Variants in TIMD4 observed in about 807,000 individuals in gnomAD.
The protein encoded by TIMD4 is T cell immunoglobulin and mucin domain containing 4.
In TIMD4, 31 loss-of-function variants were observed where a neutral mutation model predicts 41.2. The ratio of observed to expected loss-of-function variants is 0.75; its 90% CI spans 0.57 to 1.01. The LOEUF (loss-of-function observed/expected upper bound fraction) is 1.01. TIMD4 is among the 50% of genes least tolerant of loss of function. The pLI, the probability that TIMD4 is intolerant of heterozygous loss-of-function variation, is 0.00. For synonymous variants in TIMD4, 204 were observed against 177.1 expected (o/e 1.15, Z -1.21); for missense variants, 479 against 472.5 (o/e 1.01, Z -0.13).
At chr5:156,938,509 C>T (rs1269055791) in intron 5 of TIMD4, among the ~76,000 whole-genome samples, 2 of 152,172 alleles carry the variant, frequency 1.3e-5, no homozygotes, top group African/African-American at 4.8e-5. Flanking sequence ...CTTCCCCAGT[C>T]TTCTCCCACC....
chr5:156,946,484 T>A (rs183990005), intron 5 of TIMD4, among the ~76,000 whole-genome samples: 1 of 152,190 alleles, frequency 6.6e-6, no homozygotes, highest in Admixed American at 6.5e-5. Flanking sequence ...CTTTTTTTTG[T>A]TTGTTTGTTT....
rs150560129 is a variant in TIMD4 at position 156,919,499 on chromosome 5, C to G, written c.1095G>C (p.Val365=). 393 of 1,614,040 alleles carry G rather than the reference C, an allele frequency of 2.4e-4. No homozygotes were observed. In the East Asian group the frequency reaches 8.2e-3, roughly 34 times the overall value. The part of the protein sequence containing the change: ...IGDSKNVLND[V]QHGREDEDGL... ...CGTCTTCGTCTTCCCTTCCATGCTGCACGTCATTGAGGACATTTTTACTAT... is the reference window on the plus strand; with the variant it reads ...CGTCTTCGTCTTCCCTTCCATGCTGGACGTCATTGAGGACATTTTTACTAT... Residue 365 remains valine (V), a synonymous_variant, in exon 9 of 9, where the codon GTG becomes GTC. Transcript: ENST00000274532.
intron 5 of TIMD4, among the ~76,000 whole-genome samples, chr5:156,939,093 A>G (rs1335507689): frequency 7.2e-5 from 11 of 152,042 alleles, no homozygotes; most frequent in Admixed American, 7.2e-4. Flanking sequence ...TTCATCTCAC[A>G]CAATATCTTT....
chr5:156,922,114 C>T lies in TIMD4; in HGVS notation c.997G>A (p.Ala333Thr). The T allele has an allele frequency of 1.9e-6, 3 of 1,613,770 alleles. No individual in the cohort carries two copies. The highest frequency in any genetic ancestry group is 2.5e-6 in the Non-Finnish European group (3 of 1,179,836). Residue 333 changes from alanine to threonine, a missense_variant, in exon 7 of 9, where the codon GCG (alanine) becomes ACG (threonine). Transcript: ENST00000274532. ...LGFVLFALFV[A>T]FLLRGKLMET... is the part of the protein sequence containing the mutation. ...CCCTCCTTACCTCTCAGGAGAAACG[C>T]CACAAACAATGCGAAGAGCACAAAT...
chr5:156,945,539 G>C (rs769746751), intron 5 of TIMD4, among the ~76,000 whole-genome samples: 2 of 152,082 alleles, frequency 1.3e-5, no homozygotes, highest in African/African-American at 4.8e-5. Flanking sequence ...CTAATGCATA[G>C]GTAAATCCTC....
At chr5:156,946,547 G>A (rs1759746188) in intron 5 of TIMD4, among the ~76,000 whole-genome samples, 1 of 152,064 alleles carries the variant, frequency 6.6e-6, no homozygotes, top group Non-Finnish European at 1.5e-5. Context: ...CACAATCTCG[G>A]CTCACTGCAA....
chr5:156,927,265 T>C (rs1759364820), intron 5 of TIMD4, among the ~76,000 whole-genome samples: 1 of 152,246 alleles, frequency 6.6e-6, no homozygotes, highest in African/African-American at 2.4e-5. Context: ...AATAAATGTT[T>C]GTTGAATAAC....
chr5:156,923,441 A>G (rs1759288213), intron 6 of TIMD4, among the ~76,000 whole-genome samples: 2 of 144,114 alleles, frequency 1.4e-5, no homozygotes, highest in African/African-American at 5.0e-5. Context: ...GAGCCACTGC[A>G]CCCGGCCTAA....
chr5:156,954,210 C>A (rs986210677), intron 2 of TIMD4, among the ~76,000 whole-genome samples: 2 of 152,196 alleles, frequency 1.3e-5, no homozygotes, highest in African/African-American at 4.8e-5. Context: ...CTGCAATTCA[C>A]GAGTTCCCTT....
chr5:156,944,653 C>T (rs1429145993), intron 5 of TIMD4, among the ~76,000 whole-genome samples: 4 of 151,930 alleles, frequency 2.6e-5, no homozygotes, highest in African/African-American at 4.8e-5. Flanking sequence ...TACAGGTGCC[C>T]GCCACCACGC....
chr5:156,930,317 T>C (rs1290863089), intron 5 of TIMD4, among the ~76,000 whole-genome samples: 2 of 152,188 alleles, frequency 1.3e-5, no homozygotes, highest in South Asian at 4.1e-4. Context: ...TTATGCCATA[T>C]TGCCAGTGAA....
intron 5 of TIMD4, among the ~76,000 whole-genome samples, chr5:156,932,865 G>T (rs544757730): frequency 6.6e-6 from 1 of 152,022 alleles, no homozygotes; most frequent in Non-Finnish European, 1.5e-5. Flanking sequence ...TTAGCCAGGC[G>T]TGGTGGTGGG....
chr5:156,926,351 T>C (rs1303786852), intron 5 of TIMD4, 39 bp from the exon 6 acceptor site: 6 of 1,606,632 alleles, frequency 3.7e-6, no homozygotes, highest in Non-Finnish European at 5.1e-6. Flanking sequence ...ATATGTCTGG[T>C]TGGGGAATAA....
At chr5:156,958,033 G>A (rs1760006191) in intron 1 of TIMD4, among the ~76,000 whole-genome samples, 1 of 152,022 alleles carries the variant, frequency 6.6e-6, no homozygotes, top group South Asian at 2.1e-4. Flanking sequence ...CAGCACTTTG[G>A]GAGGCGGAGG....
intron 1 of TIMD4, 92 bp from the exon 2 acceptor site, chr5:156,954,848 G>T: frequency 9.4e-7 from 1 of 1,062,520 alleles, no homozygotes; most frequent in Non-Finnish European, 1.3e-6. Flanking sequence ...CTTCCAGGAA[G>T]ATGAAGAAAG....
At chr5:156,932,658 A>G (rs532518846) in intron 5 of TIMD4, among the ~76,000 whole-genome samples, 14 of 152,326 alleles carry the variant, frequency 9.2e-5, no homozygotes, top group African/African-American at 2.9e-4. Context: ...ACCTCACTGC[A>G]CTATTTTTGC....
At chr5:156,935,297 C>T (rs1377292398) in intron 5 of TIMD4, among the ~76,000 whole-genome samples, 1 of 152,074 alleles carries the variant, frequency 6.6e-6, no homozygotes, top group Non-Finnish European at 1.5e-5. Flanking sequence ...CTGACCTCTA[C>T]TCAGAATTCA....
At chr5:156,957,010 C>T (rs1759983614) in intron 1 of TIMD4, among the ~76,000 whole-genome samples, 1 of 151,382 alleles carries the variant, frequency 6.6e-6, no homozygotes, top group Non-Finnish European at 1.5e-5. Flanking sequence ...AGACTATGTG[C>T]TTCTGGGGTT....
At chr5:156,958,430 G>A (rs974321065) in intron 1 of TIMD4, among the ~76,000 whole-genome samples, 6 of 152,162 alleles carry the variant, frequency 3.9e-5, no homozygotes, top group South Asian at 4.2e-4. Flanking sequence ...TAGACAATTC[G>A]TAGATAAGGA....
Sources: allele counts gnomAD v4.1 joint callset (sites outside exome capture counted in the v4.1 genomes callset), GRCh38; gene constraint gnomAD v4.1.1; transcripts MANE v1.5; gene names NCBI Gene and HGNC (gene_info 2026-07-23, HGNC 2026-07-21).